KCNH7: variants seen among roughly 807,000 people sequenced by gnomAD.
KCNH7 encodes voltage-gated inwardly rectifying potassium channel KCNH7.
Under a neutral mutation model 120.8 loss-of-function variants are expected in KCNH7, and 49 were observed. The observed-to-expected ratio is 0.41, with a 90% confidence interval of 0.32 to 0.51. KCNH7 has a LOEUF of 0.51. Ranked by LOEUF, KCNH7 falls within the 20% of genes least tolerant of loss-of-function variation. The pLI is 0.38. For synonymous variants in KCNH7, 547 were observed against 516.1 expected (o/e 1.06, Z -0.81); for missense variants, 1,097 against 1,446.6 (o/e 0.76, Z 3.92).
At chr2:162,555,274 G>A (rs1025421037) in intron 2 of KCNH7, among the ~76,000 whole-genome samples, 1 of 152,180 alleles carries the variant, frequency 6.6e-6, no homozygotes, top group African/African-American at 2.4e-5. Flanking sequence ...CCCCCATCAA[G>A]ACAAACCTCT....
At chr2:162,763,850 A>C (rs1006413944) in intron 2 of KCNH7, among the ~76,000 whole-genome samples, 10 of 151,434 alleles carry the variant, frequency 6.6e-5, no homozygotes, top group Non-Finnish European at 1.5e-4. Flanking sequence ...CTACTATAGT[A>C]GTCTCCGGAG....
At chr2:162,397,007 A>ACTTTT in intron 10 of KCNH7, 62 bp from the exon 11 acceptor site, 7 of 1,145,598 alleles carry the variant, frequency 6.1e-6, no homozygotes, top group Non-Finnish European at 8.9e-6. Context: ...TTCTCCTTCT[A>ACTTTT]AAAGTAGAAG....
intron 2 of KCNH7, among the ~76,000 whole-genome samples, chr2:162,823,574 G>A (rs1284301155): frequency 1.4e-4 from 22 of 152,256 alleles, no homozygotes; most frequent in Non-Finnish European, 5.9e-5. Flanking sequence ...AGAAGGCCCT[G>A]CCTGGTTATA....
At chr2:162,440,957 G>T (rs1293843953) in intron 7 of KCNH7, among the ~76,000 whole-genome samples, 1 of 151,984 alleles carries the variant, frequency 6.6e-6, no homozygotes, top group South Asian at 2.1e-4. Context: ...TTTACCAAGG[G>T]TTATACTTTA....
chr2:162,757,215 C>G (rs1477677170), intron 2 of KCNH7, among the ~76,000 whole-genome samples: 2 of 152,018 alleles, frequency 1.3e-5, no homozygotes, highest in African/African-American at 2.4e-5. Context: ...TTTACCATTT[C>G]CTTCTGGTGC....
chr2:162,830,830 C>G (rs1022803979), intron 2 of KCNH7, among the ~76,000 whole-genome samples: 4 of 152,148 alleles, frequency 2.6e-5, no homozygotes, highest in East Asian at 1.9e-4. Flanking sequence ...AAAGAGCCAG[C>G]CTTCACCAGT....
rs186909251 is a variant in KCNH7, at chr2:162,460,224, T to G, written c.1129-13781A>C. On this transcript the variant is annotated intron_variant, in intron 6 of 15. Transcript: ENST00000332142. ...AACCAAAGGGAAATGGGAGGAATGC[T>G]TCTGTGGGGAATGACATGCTTTCTC... 7.2e-5 allele frequency among the ~76,000 whole-genome samples: 11 copies of G among 152,184 alleles called. No individual in the cohort carries two copies. In the East Asian group the frequency reaches 2.1e-3, roughly 29 times the overall value.
intron 2 of KCNH7, among the ~76,000 whole-genome samples, chr2:162,722,062 C>T (rs558528593): frequency 6.6e-6 from 1 of 151,972 alleles, no homozygotes; most frequent in Non-Finnish European, 1.5e-5. Context: ...CAACATTTCA[C>T]TAGTACGTAT....
intron 6 of KCNH7, among the ~76,000 whole-genome samples, chr2:162,491,227 A>G (rs1012810706): frequency 6.6e-6 from 1 of 152,228 alleles, no homozygotes; most frequent in African/African-American, 2.4e-5. Context: ...GGAGAAACAC[A>G]TTTGCATAGA....
chr2:162,512,000 T>C (rs1188280784), intron 5 of KCNH7, among the ~76,000 whole-genome samples: 3 of 151,788 alleles, frequency 2.0e-5, no homozygotes, highest in East Asian at 1.9e-4. Flanking sequence ...GAAAACAGAA[T>C]TGAATTCCAA....
At chr2:162,743,271 G>A (rs1387418190) in intron 2 of KCNH7, among the ~76,000 whole-genome samples, 1 of 151,964 alleles carries the variant, frequency 6.6e-6, no homozygotes, top group African/African-American at 2.4e-5. Context: ...TGTGTGCCTT[G>A]TGCATTTGTT....
chr2:162,456,875 C>G (rs907143255), intron 6 of KCNH7, among the ~76,000 whole-genome samples: 1 of 151,702 alleles, frequency 6.6e-6, no homozygotes, highest in African/African-American at 2.4e-5. Context: ...CCTCCATACT[C>G]TCTCTCTCTT....
At chr2:162,514,965 T>A (rs1691230015) in intron 4 of KCNH7, among the ~76,000 whole-genome samples, 1 of 151,782 alleles carries the variant, frequency 6.6e-6, no homozygotes, top group Non-Finnish European at 1.5e-5. Context: ...TTTCACCTGT[T>A]AATCAGTTAC....
At chr2:162,633,594 T>C (rs1683841113) in intron 2 of KCNH7, among the ~76,000 whole-genome samples, 1 of 152,000 alleles carries the variant, frequency 6.6e-6, no homozygotes, top group South Asian at 2.1e-4. Flanking sequence ...ATATAAACCC[T>C]TAATCCATCT....
At chr2:162,485,192 A>G (rs534494857) in intron 6 of KCNH7, among the ~76,000 whole-genome samples, 2 of 152,304 alleles carry the variant, frequency 1.3e-5, no homozygotes, top group East Asian at 3.9e-4. Flanking sequence ...TCGCTTCTCT[A>G]CCTTAGTGAT....
At chr2:162,768,687 T>C (rs1682920835) in intron 2 of KCNH7, among the ~76,000 whole-genome samples, 1 of 152,178 alleles carries the variant, frequency 6.6e-6, no homozygotes, top group Admixed American at 6.6e-5. Context: ...TGTCAGGTTC[T>C]GCAGCCTTTT....
At chr2:162,583,909 T>C (rs569599621) in intron 2 of KCNH7, among the ~76,000 whole-genome samples, 124 of 152,220 alleles carry the variant, frequency 8.1e-4, no homozygotes, top group Non-Finnish European at 1.5e-3. Context: ...TCTAAAAACA[T>C]TGGGGCAAGA....
chr2:162,677,468 T>C (rs1685565920), intron 2 of KCNH7, among the ~76,000 whole-genome samples: 1 of 151,466 alleles, frequency 6.6e-6, no homozygotes, highest in Admixed American at 6.6e-5. Context: ...GCTTCTTTTA[T>C]TCAGCATTAC....
intron 2 of KCNH7, among the ~76,000 whole-genome samples, chr2:162,735,262 C>A (rs1687861150): frequency 6.6e-6 from 1 of 152,180 alleles, no homozygotes; most frequent in Non-Finnish European, 1.5e-5. Context: ...GAGAGGAATT[C>A]ACTTCATAAA....
Sources: gnomAD v4.1 joint callset for allele counts (sites outside exome capture counted in the v4.1 genomes callset) on GRCh38, gnomAD v4.1.1 for gene constraint, MANE v1.5 for transcripts, NCBI Gene and HGNC (gene_info 2026-07-23, HGNC 2026-07-21) for gene names.